GLIS3: variants seen among roughly 807,000 people sequenced by gnomAD.
GLIS3 encodes GLIS family zinc finger 3.
GLIS3 carries 53 observed loss-of-function variants against 78.6 expected under a neutral mutation model. The ratio of observed to expected loss-of-function variants is 0.67; its 90% CI spans 0.54 to 0.85. The LOEUF (loss-of-function observed/expected upper bound fraction) is 0.85. Among genes scored for constraint, GLIS3 ranks in the 40% least tolerant of loss-of-function variants. The pLI, the probability that GLIS3 is intolerant of heterozygous loss-of-function variation, is 0.00. For synonymous variants in GLIS3, 684 were observed against 509.9 expected (o/e 1.34, Z -4.60); for missense variants, 1,703 against 1,231.1 (o/e 1.38, Z -5.74).
chr9:3,972,774 A>G (rs1022999938), intron 4 of GLIS3, among the ~76,000 whole-genome samples: 2 of 152,150 alleles, frequency 1.3e-5, no homozygotes, highest in African/African-American at 4.8e-5. Context: ...ATATGTTTTA[A>G]TTTATTCCTC....
chr9:4,404,459 T>C, the GLIS3 span, among the ~76,000 whole-genome samples: 1 of 152,194 alleles, frequency 6.6e-6, no homozygotes, highest in African/African-American at 2.4e-5. Flanking sequence ...GAATAGACCA[T>C]ATGTTAGCTC....
chr9:4,273,140 C>A (rs1826670965), intron 2 of GLIS3, among the ~76,000 whole-genome samples: 1 of 152,104 alleles, frequency 6.6e-6, no homozygotes, highest in African/African-American at 2.4e-5. Flanking sequence ...AAGCTGTAGG[C>A]CTTTATTTCA....
chr9:4,197,718 C>A (rs146775244), intron 2 of GLIS3, among the ~76,000 whole-genome samples: 2 of 152,174 alleles, frequency 1.3e-5, no homozygotes, highest in African/African-American at 4.8e-5. Context: ...TTGTCTAAGT[C>A]AGTAGAGAGT....
intron 4 of GLIS3, among the ~76,000 whole-genome samples, chr9:4,086,374 G>A (rs911923698): frequency 3.3e-5 from 5 of 151,962 alleles, no homozygotes; most frequent in Admixed American, 6.6e-5. Flanking sequence ...CCATCACATC[G>A]CTGAATATGT....
chr9:4,151,850 T>C (rs1834705894), intron 2 of GLIS3, among the ~76,000 whole-genome samples: 1 of 152,156 alleles, frequency 6.6e-6, no homozygotes, highest in South Asian at 2.1e-4. Flanking sequence ...GAGAGAACCT[T>C]TGGAAGGCGA....
chr9:4,175,594 C>G (rs529236885), intron 2 of GLIS3, among the ~76,000 whole-genome samples: 4 of 152,312 alleles, frequency 2.6e-5, no homozygotes, highest in South Asian at 4.1e-4. Flanking sequence ...TCGTTACTCT[C>G]CTGGCAATGC....
At chr9:4,192,748 G>C (rs7853441) in intron 2 of GLIS3, among the ~76,000 whole-genome samples, 1 of 151,300 alleles carries the variant, frequency 6.6e-6, no homozygotes, top group African/African-American at 2.4e-5. Flanking sequence ...TGGTTGTTCC[G>C]TGTCTCACTA....
chr9:4,460,239 A>T, the GLIS3 span, among the ~76,000 whole-genome samples: 3 of 152,336 alleles, frequency 2.0e-5, no homozygotes, highest in Non-Finnish European at 1.5e-5. Context: ...GGCAATTCCT[A>T]GGAAAAGAAA....
At chr9:4,359,798 G>C in the GLIS3 span, among the ~76,000 whole-genome samples, 1 of 152,062 alleles carries the variant, frequency 6.6e-6, no homozygotes, top group African/African-American at 2.4e-5. Flanking sequence ...CTCCACTTTA[G>C]TTAATATTTA....
chr9:4,354,844 T>C, the GLIS3 span, among the ~76,000 whole-genome samples: 14 of 152,142 alleles, frequency 9.2e-5, no homozygotes, highest in South Asian at 2.1e-4. Context: ...TAGCCGGACA[T>C]GGTGGCTCAT....
At chr9:3,968,149 T>C (rs1004662794) in intron 4 of GLIS3, among the ~76,000 whole-genome samples, 8 of 152,202 alleles carry the variant, frequency 5.3e-5, no homozygotes, top group African/African-American at 1.7e-4. Flanking sequence ...GGATTTCAAA[T>C]CTATTGTCAC....
intron 1 of GLIS3, among the ~76,000 whole-genome samples, chr9:4,287,768 C>G (rs547329323): frequency 2.0e-5 from 3 of 152,184 alleles, no homozygotes; most frequent in Non-Finnish European, 4.4e-5. Context: ...AGGAGAAACA[C>G]TTTTTGTGAA....
intron 2 of GLIS3, among the ~76,000 whole-genome samples, chr9:4,194,348 C>T (rs1413403034): frequency 6.6e-6 from 1 of 152,196 alleles, no homozygotes; most frequent in African/African-American, 2.4e-5. Flanking sequence ...GCGTGAGCCA[C>T]AGCACCTGGC....
At chr9:3,859,873 A>C (rs1820067198) in intron 8 of GLIS3, among the ~76,000 whole-genome samples, 1 of 152,234 alleles carries the variant, frequency 6.6e-6, no homozygotes, top group Admixed American at 6.5e-5. Context: ...TAACTGAGTC[A>C]AACACTTCCA....
At chr9:3,861,906 C>CGGCA (rs1290434829) in intron 8 of GLIS3, among the ~76,000 whole-genome samples, 1 of 152,038 alleles carries the variant, frequency 6.6e-6, no homozygotes, top group African/African-American at 2.4e-5. Flanking sequence ...TGTAACAAAC[C>CGGCA]GGCACATCCT....
chr9:4,434,797 A>C, the GLIS3 span, among the ~76,000 whole-genome samples: 1 of 152,180 alleles, frequency 6.6e-6, no homozygotes, highest in African/African-American at 2.4e-5. Flanking sequence ...AAATCCTGAC[A>C]TTGAGGAGGT....
chr9:4,120,265 C>T (rs934547702), intron 3 of GLIS3, among the ~76,000 whole-genome samples: 3 of 152,196 alleles, frequency 2.0e-5, no homozygotes, highest in Admixed American at 2.0e-4. Flanking sequence ...GCAAGAAAAA[C>T]ATCTCAGCTC....
chr9:3,850,256 G>A (rs918090281), intron 9 of GLIS3, among the ~76,000 whole-genome samples: 3 of 152,298 alleles, frequency 2.0e-5, no homozygotes, highest in South Asian at 2.1e-4. Flanking sequence ...ACAGGAAGGC[G>A]TGTGATCTGC....
At chr9:4,419,437 G>A in the GLIS3 span, among the ~76,000 whole-genome samples, 185 of 152,260 alleles carry the variant, frequency 1.2e-3, no homozygotes, top group African/African-American at 3.6e-3. Flanking sequence ...CTACCACGAA[G>A]GCGGAAGGCA....
Sources: allele counts gnomAD v4.1 joint callset (sites outside exome capture counted in the v4.1 genomes callset), GRCh38; gene constraint gnomAD v4.1.1; transcripts MANE v1.5; gene names NCBI Gene and HGNC (gene_info 2026-07-23, HGNC 2026-07-21).